Variants in RYR3 observed in about 807,000 individuals in gnomAD.
RYR3 encodes the protein brain ryanodine receptor-calcium release channel.
A neutral mutation model predicts 584.3 loss-of-function variants in RYR3; 207 were observed. That is an observed-to-expected ratio of 0.35 (90% CI 0.32 to 0.40). RYR3 has a LOEUF of 0.40. Among genes scored for constraint, RYR3 ranks in the 10% least tolerant of loss-of-function variants. The pLI is 1.00. For synonymous variants in RYR3, 2,416 were observed against 2,248.5 expected, an observed-to-expected ratio of 1.07 and a Z score of -2.11; for missense variants, 5,616 against 6,089.2, an observed-to-expected ratio of 0.92 and a Z score of 2.59.
At chr15:33,699,601 T>G in intron 40 of RYR3, 103 bp from the exon 41 acceptor site, 1 of 1,019,298 alleles carries the variant, frequency 9.8e-7, no homozygotes, top group Non-Finnish European at 1.4e-6. Context: ...AGTTCATTTT[T>G]CCAAGTGTTC....
chr15:33,313,081 C>G (rs1473849343), intron 1 of RYR3, among the ~76,000 whole-genome samples: 1 of 152,162 alleles, frequency 6.6e-6, no homozygotes, highest in East Asian at 1.9e-4. Context: ...ATGGTGGTAA[C>G]CATGGGGGCA....
intron 32 of RYR3, among the ~76,000 whole-genome samples, chr15:33,654,749 C>T (rs2062724108): frequency 1.3e-5 from 2 of 152,152 alleles, no homozygotes; most frequent in Admixed American, 1.3e-4. Context: ...GTACTTAGGG[C>T]ATCCAACAGT....
intron 1 of RYR3, among the ~76,000 whole-genome samples, chr15:33,386,051 A>G (rs1004174507): frequency 6.6e-6 from 1 of 152,172 alleles, no homozygotes; most frequent in Admixed American, 6.5e-5. Context: ...AATAAAAACA[A>G]TCCTTCTTCA....
In RYR3 at chr15:33,748,219, C is replaced by T. The variant is rs368235252; in HGVS notation, c.8095C>T (p.Arg2699Trp). The change falls in exon 54 of 104, where the codon CGG becomes TGG. Residue 2699 changes from arginine (R) to tryptophan (W), a missense_variant. Physicochemically the swap from Arg to Trp is moderately radical, Grantham distance 101. Transcript: ENST00000634891. ...TKEGEALVQQ[R>W]ENEKLRSVSQ... ...AGAGGGAGAAGCTTTGGTTCAACAGCGGGAAAATGAGAAGCTTCGAAGTGT... is the reference window on the plus strand; with the variant it reads ...AGAGGGAGAAGCTTTGGTTCAACAGTGGGAAAATGAGAAGCTTCGAAGTGT... The T allele has an allele frequency of 8.1e-6, 13 of 1,613,738 alleles. No homozygotes were observed. The highest frequency in any genetic ancestry group is 3.3e-5 in the Admixed American group (2 of 60,000).
intron 70 of RYR3, among the ~76,000 whole-genome samples, chr15:33,808,124 T>C (rs35053407): frequency 0.12 from 17,702 of 151,866 alleles, 1,381 homozygotes; most frequent in Non-Finnish European, 0.16. Flanking sequence ...CCCAAACCTC[T>C]GCTCTACACT....
chr15:33,745,963 C>T (rs1310270382), intron 52 of RYR3, 105 bp from the exon 53 acceptor site: 2 of 766,450 alleles, frequency 2.6e-6, no homozygotes, highest in Non-Finnish European at 4.6e-6. Context: ...AGCCCTGTCA[C>T]TATCCATTAC....
chr15:33,765,030 CA>C (rs1183335863), intron 60 of RYR3, among the ~76,000 whole-genome samples: 2 of 85,770 alleles, frequency 2.3e-5, no homozygotes, highest in African/African-American at 5.1e-5. Context: ...GACTTCGTCT[CA>C]AAAAAAAAAA....
chr15:33,445,546 TATC>T (rs34654157), intron 1 of RYR3, among the ~76,000 whole-genome samples: 34,349 of 151,684 alleles, frequency 0.23, 4,117 homozygotes, highest in Middle Eastern at 0.32. Context: ...ATTTAGTAAA[TATC>T]ATTAAATTCT....
intron 1 of RYR3, among the ~76,000 whole-genome samples, chr15:33,427,695 CCCTCA>C (rs907685009): frequency 6.6e-6 from 1 of 152,158 alleles, no homozygotes; most frequent in Non-Finnish European, 1.5e-5. Flanking sequence ...TGCAAAGCTC[CCCTCA>C]CATCTCCGAG....
At chr15:33,425,803 G>A (rs4780117) in intron 1 of RYR3, among the ~76,000 whole-genome samples, 22,294 of 151,310 alleles carry the variant, frequency 0.15, 2,215 homozygotes, top group Middle Eastern at 0.26. Flanking sequence ...CACCACACCC[G>A]GCTAATTTTT....
intron 60 of RYR3, among the ~76,000 whole-genome samples, chr15:33,765,094 C>G (rs1160178614): frequency 6.8e-6 from 1 of 147,660 alleles, no homozygotes; most frequent in African/African-American, 2.5e-5. Flanking sequence ...AATTTGTAGT[C>G]TAAAACAACA....
At chr15:33,577,865 T>G (rs918067160) in intron 12 of RYR3, among the ~76,000 whole-genome samples, 1 of 152,036 alleles carries the variant, frequency 6.6e-6, no homozygotes, top group African/African-American at 2.4e-5. Context: ...TTGCAATCTC[T>G]CCATCTGACA....
chr15:33,528,771 A>G (rs1400242955), intron 3 of RYR3, among the ~76,000 whole-genome samples: 12 of 152,230 alleles, frequency 7.9e-5, no homozygotes, highest in Non-Finnish European at 1.2e-4. Flanking sequence ...CACTTTTGCC[A>G]TTCTAGCACT....
At position 33,739,861 on chromosome 15, in the gene RYR3, C is replaced by G. The variant is rs1402043401; in HGVS notation, c.7686C>G (p.Ala2562=). 2.5e-6 allele frequency: 4 copies of G among 1,613,544 alleles called. No homozygotes were observed. The highest frequency in any genetic ancestry group is 4.5e-5 in the East Asian group (2 of 44,872). ...ATGACCCAGATCTTTTCCGAATGGC[C>G]CTGCCTTGTCTCAGTGCTATAGCTG... The part of the protein sequence containing the change: ...KKYDPDLFRM[A]LPCLSAIAGA... The change falls in exon 51 of 104, where the codon GCC becomes GCG. Residue 2562 remains alanine, a synonymous_variant. Coordinates refer to ENST00000634891, the MANE Select transcript of RYR3 (RefSeq NM_001036.6).
At chr15:33,569,076 A>T (rs1441763627) in intron 12 of RYR3, among the ~76,000 whole-genome samples, 1 of 152,158 alleles carries the variant, frequency 6.6e-6, no homozygotes, top group Non-Finnish European at 1.5e-5. Context: ...ATAGATAGAG[A>T]TGCACACATA....
chr15:33,390,965 C>G lies in RYR3; in HGVS notation c.51+79869C>G, dbSNP rs539645861. On this transcript the variant is annotated intron_variant, in intron 1 of 103. Coordinates refer to ENST00000634891, the MANE Select transcript of RYR3 (RefSeq NM_001036.6). This position sits in a 1 kb window ranked among gnomAD's most constrained non-coding sequence, Gnocchi z 4.2. ...ATTGATTTCTCTGCCTGTGTCTTTC[C>G]CTTATGATCCAGCTGTGTATTCTTA... Among the ~76,000 whole-genome samples, 26 of 152,264 alleles carry G rather than the reference C, an allele frequency of 1.7e-4. No individual in the cohort carries two copies. The highest frequency in any genetic ancestry group is 6.3e-4 in the African/African-American group (26 of 41,544).
chr15:33,692,915 G>T (rs966745243), intron 38 of RYR3, among the ~76,000 whole-genome samples: 8 of 152,140 alleles, frequency 5.3e-5, no homozygotes, highest in Non-Finnish European at 8.8e-5. Flanking sequence ...AAACTCATAT[G>T]TACTTGGTTT....
chr15:33,756,641 T>A (rs2071865508), intron 59 of RYR3, among the ~76,000 whole-genome samples: 1 of 152,046 alleles, frequency 6.6e-6, no homozygotes, highest in Non-Finnish European at 1.5e-5. Context: ...GTGTGCGTGG[T>A]TCAGACAGGC....
At chr15:33,382,118 G>A (rs2041229904) in intron 1 of RYR3, among the ~76,000 whole-genome samples, 1 of 152,152 alleles carries the variant, frequency 6.6e-6, no homozygotes, top group Non-Finnish European at 1.5e-5. Flanking sequence ...TAGAAGGATG[G>A]TGTTTTGGGG....
Sources: allele counts gnomAD v4.1 joint callset (sites outside exome capture counted in the v4.1 genomes callset), GRCh38; gene constraint gnomAD v4.1.1; non-coding constraint Gnocchi (gnomAD v3.1); transcripts MANE v1.5; gene names NCBI Gene and HGNC (gene_info 2026-07-23, HGNC 2026-07-21).